The following GRM7 variants were observed in gnomAD, a reference collection of about 807,000 sequenced individuals.
GRM7 encodes the protein metabotropic glutamate receptor 7.
A neutral mutation model predicts 84.5 loss-of-function variants in GRM7; 35 were observed. The observed-to-expected ratio is 0.41, with a 90% CI of 0.32 to 0.55. The LOEUF is 0.55. Ranked by LOEUF, GRM7 falls within the 20% of genes least tolerant of loss-of-function variation. The pLI is 0.19. For synonymous variants in GRM7, 487 were observed against 455.1 expected, an observed-to-expected ratio of 1.07 and a Z score of -0.89; for missense variants, 1,003 against 1,194.6, an observed-to-expected ratio of 0.84 and a Z score of 2.36.
At chr3:6,898,041 G>A (rs77004006) in intron 1 of GRM7, among the ~76,000 whole-genome samples, 2,126 of 152,220 alleles carry the variant, frequency 0.014, 51 homozygotes, top group African/African-American at 0.049. Flanking sequence ...TCTCCCATGG[G>A]TGTTCTCCAT....
At chr3:7,597,082 A>C (rs1020087825) in intron 8 of GRM7, among the ~76,000 whole-genome samples, 7 of 152,144 alleles carry the variant, frequency 4.6e-5, no homozygotes, top group African/African-American at 1.7e-4. Flanking sequence ...TTTATAAAGA[A>C]AAGAGGCTTA....
chr3:7,725,283 A>C lies in GRM7; in HGVS notation c.2699-15074A>C, dbSNP rs189186006. On this transcript the variant is annotated intron_variant, in intron 9 of 9. Coordinates refer to ENST00000357716, the MANE Select transcript of GRM7 (RefSeq NM_000844.4). ...GAAAGAGAAACAGCCATCTTTGGGAATATCTTGGGAAAAAAAATTCTGGAA... is the reference window on the plus strand; with the variant it reads ...GAAAGAGAAACAGCCATCTTTGGGACTATCTTGGGAAAAAAAATTCTGGAA... Among the ~76,000 whole-genome samples, 594 of 152,268 alleles carry C rather than the reference A, an allele frequency of 3.9e-3. 2 individuals carry two copies. The highest frequency in any genetic ancestry group is 6.5e-3 in the Non-Finnish European group (445 of 68,014).
Position 7,335,127 on chromosome 3 carries a change from C to T in GRM7, c.1033+28475C>T, listed in dbSNP as rs145787847. Among the ~76,000 whole-genome samples, 766 of 152,206 alleles carry T rather than the reference C, an allele frequency of 5.0e-3. 5 individuals carry two copies. The highest frequency in any genetic ancestry group is 0.013 in the African/African-American group (538 of 41,548). On this transcript the variant is annotated intron_variant, in intron 4 of 9. Coordinates refer to ENST00000357716, the MANE Select transcript of GRM7 (RefSeq NM_000844.4). ...AGAATATACATTCTTTTCATCAGCA[C>T]GTGAAACATTCTCCAAGATAGACCA...
intron 1 of GRM7, among the ~76,000 whole-genome samples, chr3:7,006,011 T>G (rs553973734): frequency 3.6e-4 from 55 of 152,230 alleles, no homozygotes; most frequent in Non-Finnish European, 7.1e-4. Context: ...ATGGCTAAGA[T>G]AGAGGAGAGG....
At chr3:7,303,722 C>T (rs1236473820) in intron 3 of GRM7, among the ~76,000 whole-genome samples, 2 of 151,882 alleles carry the variant, frequency 1.3e-5, no homozygotes, top group South Asian at 4.1e-4. Context: ...TCCATATGTT[C>T]ATATATAAGA....
intron 9 of GRM7, among the ~76,000 whole-genome samples, chr3:7,699,407 G>T (rs1213214862): frequency 1.3e-5 from 2 of 152,142 alleles, no homozygotes; most frequent in Non-Finnish European, 2.9e-5. Flanking sequence ...CAAACCAGGG[G>T]ATATGTATTT....
At chr3:7,398,404 A>T (rs1352974086) in intron 4 of GRM7, among the ~76,000 whole-genome samples, 1 of 152,180 alleles carries the variant, frequency 6.6e-6, no homozygotes, top group East Asian at 1.9e-4. Flanking sequence ...ACCAGGATGA[A>T]TGCACAGAAA....
chr3:7,392,402 C>A (rs558935189), intron 4 of GRM7, among the ~76,000 whole-genome samples: 3 of 152,212 alleles, frequency 2.0e-5, no homozygotes, highest in African/African-American at 7.2e-5. Flanking sequence ...GCTATGGAGG[C>A]CCTTCCCACG....
intron 8 of GRM7, among the ~76,000 whole-genome samples, chr3:7,587,008 A>G (rs148826212): frequency 5.3e-4 from 81 of 152,346 alleles, no homozygotes; most frequent in African/African-American, 1.8e-3. Flanking sequence ...AAGAATTACA[A>G]CGAGGCATGA....
At chr3:7,118,170 G>C (rs1336659037) in intron 1 of GRM7, among the ~76,000 whole-genome samples, 1 of 152,102 alleles carries the variant, frequency 6.6e-6, no homozygotes, top group Non-Finnish European at 1.5e-5. Context: ...AGGATCACTT[G>C]AGCCCAGGAG....
At chr3:6,907,206 G>A (rs141387068) in intron 1 of GRM7, among the ~76,000 whole-genome samples, 1,848 of 152,090 alleles carry the variant, frequency 0.012, 44 homozygotes, top group African/African-American at 0.041. Context: ...TGCTTGGCCT[G>A]TTTTTTAGTT....
intron 2 of GRM7, among the ~76,000 whole-genome samples, chr3:7,254,394 C>T (rs1316008980): frequency 6.6e-6 from 1 of 152,194 alleles, no homozygotes; most frequent in South Asian, 2.1e-4. Context: ...GTTTACTGAA[C>T]ACTCAGAATT....
At chr3:7,718,581 C>A (rs2106517525) in intron 9 of GRM7, among the ~76,000 whole-genome samples, 1 of 152,098 alleles carries the variant, frequency 6.6e-6, no homozygotes, top group South Asian at 2.1e-4. Flanking sequence ...AATTGAGACA[C>A]CTCACCCACA....
intron 1 of GRM7, among the ~76,000 whole-genome samples, chr3:6,906,499 A>G (rs1322060213): frequency 2.6e-5 from 4 of 152,128 alleles, no homozygotes; most frequent in Admixed American, 2.0e-4. Flanking sequence ...TTTTATTCTT[A>G]TTCAGTTTGA....
At chr3:6,995,237 A>G (rs779042762) in intron 1 of GRM7, among the ~76,000 whole-genome samples, 2 of 152,216 alleles carry the variant, frequency 1.3e-5, no homozygotes, top group Non-Finnish European at 2.9e-5. Flanking sequence ...AAAAGGCAGG[A>G]TATTAAATAT....
intron 2 of GRM7, among the ~76,000 whole-genome samples, chr3:7,264,674 GGT>G (rs1199532266): frequency 6.6e-6 from 1 of 152,114 alleles, no homozygotes; most frequent in East Asian, 1.9e-4. Context: ...CCACTCCCTT[GGT>G]GCCAGATGTT....
chr3:7,190,397 A>G (rs1209699517), intron 2 of GRM7, among the ~76,000 whole-genome samples: 1 of 152,036 alleles, frequency 6.6e-6, no homozygotes, highest in African/African-American at 2.4e-5. Context: ...CAAAAATAAG[A>G]CTCAGAAGCA....
intron 1 of GRM7, among the ~76,000 whole-genome samples, chr3:6,906,680 A>C (rs189377870): frequency 6.6e-6 from 1 of 152,182 alleles, no homozygotes; most frequent in African/African-American, 2.4e-5. Flanking sequence ...TCTTGAACCC[A>C]TATATGCATG....
chr3:7,448,461 C>G (rs1299829510), intron 5 of GRM7, among the ~76,000 whole-genome samples: 2 of 152,088 alleles, frequency 1.3e-5, no homozygotes, highest in African/African-American at 4.8e-5. Context: ...GTGAAAAGTC[C>G]AGAAATCCTT....
Sources: gnomAD v4.1 joint callset for allele counts (sites outside exome capture counted in the v4.1 genomes callset) on GRCh38, gnomAD v4.1.1 for gene constraint, MANE v1.5 for transcripts, NCBI Gene and HGNC (gene_info 2026-07-23, HGNC 2026-07-21) for gene names.